Variants in GPLD1 observed in about 807,000 individuals in gnomAD.
The protein encoded by GPLD1 is phosphatidylinositol-glycan-specific phospholipase D.
Under a neutral mutation model 112.6 loss-of-function variants are expected in GPLD1, and 84 were observed. That is an observed-to-expected ratio of 0.75 (90% CI 0.63 to 0.89). GPLD1 has a LOEUF of 0.89. GPLD1 is among the 40% of genes least tolerant of loss of function. The pLI is 0.00. For synonymous variants in GPLD1, 386 were observed against 403.8 expected, an observed-to-expected ratio of 0.96 and a Z score of 0.53; for missense variants, 1,044 against 1,051.5, an observed-to-expected ratio of 0.99 and a Z score of 0.10.
intron 10 of GPLD1, among the ~76,000 whole-genome samples, chr6:24,463,456 C>T (rs950328323): frequency 6.6e-6 from 1 of 152,006 alleles, no homozygotes; most frequent in African/African-American, 2.4e-5. Flanking sequence ...AAATTAGTTG[C>T]TGAAAAAGGA....
chr6:24,464,497 A>C (rs1369023392), intron 10 of GPLD1, among the ~76,000 whole-genome samples: 1 of 152,232 alleles, frequency 6.6e-6, no homozygotes, highest in Non-Finnish European at 1.5e-5. Flanking sequence ...GATTGTTAAA[A>C]ACAAGTTTAT....
intron 7 of GPLD1, among the ~76,000 whole-genome samples, chr6:24,471,002 A>T (rs747549682): frequency 1.3e-5 from 2 of 152,266 alleles, no homozygotes; most frequent in Non-Finnish European, 2.9e-5. Flanking sequence ...ACTTGAGCCT[A>T]AATCTTATTT....
intron 12 of GPLD1, among the ~76,000 whole-genome samples, chr6:24,460,058 C>T (rs1212710550): frequency 6.6e-6 from 1 of 152,150 alleles, no homozygotes; most frequent in African/African-American, 2.4e-5. Context: ...CCATCACACC[C>T]AGCTAATTTA....
intron 1 of GPLD1, among the ~76,000 whole-genome samples, chr6:24,487,844 G>A (rs1764427541): frequency 6.6e-6 from 1 of 152,164 alleles, no homozygotes; most frequent in Admixed American, 6.5e-5. Context: ...GTCAGGACAT[G>A]TAATTCTAGG....
Position 24,456,494 on chromosome 6 carries a change from G to A in GPLD1, c.1148+4C>T, listed in dbSNP as rs753540687. On this transcript the variant is annotated splice_donor_region_variant and intron_variant, in intron 13 of 24. Transcript: ENST00000230036. ...ATTCACAAGTTAGATAAACTTATAC[G>A]TACCAGCCAAGCCTCGCATAAGGAA... 84 of 1,592,548 alleles carry A rather than the reference G, an allele frequency of 5.3e-5. No homozygotes were observed. Among genetic ancestry groups the A allele is most frequent in the Middle Eastern group, 1.7e-4 (1 of 6,018 alleles).
At chr6:24,462,878 A>G in intron 10 of GPLD1, 83 bp from the exon 11 acceptor site, 1 of 974,494 alleles carries the variant, frequency 1.0e-6, no homozygotes, top group Non-Finnish European at 1.7e-6. Flanking sequence ...GTGCGCTTCA[A>G]TCATCTCCCA....
At chr6:24,472,132 A>T (rs1338681800) in intron 7 of GPLD1, among the ~76,000 whole-genome samples, 1 of 152,224 alleles carries the variant, frequency 6.6e-6, no homozygotes, top group Non-Finnish European at 1.5e-5. Context: ...AATAGACTGA[A>T]AACTGGAAAA....
chr6:24,447,595 C>T lies in GPLD1; in HGVS notation c.1678+282G>A, dbSNP rs556955951. Reference sequence around the variant, plus strand: ...GTCGAGAGCACCACTGAGATGCCTCCGGTGCAAAGCCTCCTCAGTGTTTCT... The same window carrying T: ...GTCGAGAGCACCACTGAGATGCCTCTGGTGCAAAGCCTCCTCAGTGTTTCT... On this transcript the variant is annotated intron_variant, in intron 17 of 24. Coordinates refer to ENST00000230036, the MANE Select transcript of GPLD1 (RefSeq NM_001503.4). Among the ~76,000 whole-genome samples the T allele has an allele frequency of 1.2e-4, 19 of 152,240 alleles. No homozygotes were observed. In the East Asian group the frequency reaches 2.7e-3, roughly 22 times the overall value.
At chr6:24,480,856 T>G (rs113524467) in intron 2 of GPLD1, among the ~76,000 whole-genome samples, 2 of 152,166 alleles carry the variant, frequency 1.3e-5, no homozygotes, top group African/African-American at 4.8e-5. Flanking sequence ...TGGCCCAGCC[T>G]CCACCACGGA....
intron 1 of GPLD1, among the ~76,000 whole-genome samples, 159 bp downstream of exon 1, chr6:24,489,256 T>C (rs927328174): frequency 6.6e-6 from 1 of 152,228 alleles, no homozygotes; most frequent in African/African-American, 2.4e-5. Context: ...TATCCCTGGA[T>C]GACTGCAATC....
At chr6:24,470,897 C>T (rs1359370338) in intron 7 of GPLD1, among the ~76,000 whole-genome samples, 2 of 152,172 alleles carry the variant, frequency 1.3e-5, no homozygotes, top group Admixed American at 6.5e-5. Context: ...CCGTGCCTGG[C>T]CTCAATATTT....
chr6:24,432,338 T>C (rs1187228040), intron 24 of GPLD1, among the ~76,000 whole-genome samples: 2 of 151,542 alleles, frequency 1.3e-5, no homozygotes, highest in Admixed American at 1.3e-4. Context: ...TGGTGCATGC[T>C]TATAATCCCA....
At chr6:24,474,174 TACACACAC>T (rs56324939) in intron 5 of GPLD1, among the ~76,000 whole-genome samples, 5,133 of 145,506 alleles carry the variant, frequency 0.035, 127 homozygotes, top group South Asian at 0.052. Flanking sequence ...CACACCCACA[TACACACAC>T]ACACACACAC....
chr6:24,475,097 T>C (rs1308292321), intron 5 of GPLD1, 24 bp downstream of exon 5: 1 of 1,154,150 alleles, frequency 8.7e-7, no homozygotes, highest in Admixed American at 1.7e-5. Context: ...CATAAAGTCA[T>C]TCCCCATAAA....
At chr6:24,443,528 G>A (rs776171336) in intron 20 of GPLD1, among the ~76,000 whole-genome samples, 8 of 152,168 alleles carry the variant, frequency 5.3e-5, no homozygotes, top group Admixed American at 1.3e-4. Context: ...ATAGCCTCCA[G>A]TGGTATACTG....
chr6:24,443,499 A>G (rs1762814697), intron 20 of GPLD1, among the ~76,000 whole-genome samples: 2 of 152,128 alleles, frequency 1.3e-5, no homozygotes, highest in Admixed American at 1.3e-4. Context: ...TATGAGAAAC[A>G]GTTTTGCTGC....
chr6:24,461,905 C>T (rs1356017353), intron 11 of GPLD1, among the ~76,000 whole-genome samples: 2 of 152,100 alleles, frequency 1.3e-5, no homozygotes, highest in East Asian at 1.9e-4. Flanking sequence ...TAAATATACA[C>T]ATATTTGTAA....
intron 14 of GPLD1, among the ~76,000 whole-genome samples, chr6:24,453,220 A>G (rs558926951): frequency 6.6e-6 from 1 of 152,300 alleles, no homozygotes; most frequent in South Asian, 2.1e-4. Flanking sequence ...AGTGATGTAC[A>G]GTGTTGTTTT....
chr6:24,445,767 G>A lies in GPLD1; in HGVS notation c.1885C>T (p.Pro629Ser). 6.2e-7 allele frequency: 1 copy of A among 1,613,838 alleles called. No homozygotes were observed. Among genetic ancestry groups the A allele is most frequent in the Non-Finnish European group, 8.5e-7 (1 of 1,179,918 alleles). ...KSLGRVYGYF[P>S]PNGQSWFTIS... ...GTAAACCAGCTTTGGCCGTTTGGTG[G>A]GAAGTAGCCATACACCCTCCCAAGG... is the stretch of plus-strand genomic sequence containing the variant. Residue 629 changes from proline (P) to serine (S), a missense_variant, in exon 19 of 25, where the codon CCA (proline) becomes TCA (serine). Coordinates refer to ENST00000230036, the MANE Select transcript of GPLD1 (RefSeq NM_001503.4).
Sources: gnomAD v4.1 joint callset for allele counts (sites outside exome capture counted in the v4.1 genomes callset) on GRCh38, gnomAD v4.1.1 for gene constraint, MANE v1.5 for transcripts, NCBI Gene and HGNC (gene_info 2026-07-23, HGNC 2026-07-21) for gene names.